The following CUBN variants were observed in gnomAD, a reference collection of about 807,000 sequenced individuals.
CUBN encodes 460 kDa receptor.
In CUBN, 282 loss-of-function variants were observed where a neutral mutation model predicts 405.3. That is an observed-to-expected ratio of 0.70 (90% confidence interval 0.63 to 0.77). The LOEUF (loss-of-function observed/expected upper bound fraction) is 0.77. Ranked by LOEUF, CUBN falls within the 30% of genes least tolerant of loss-of-function variation. CUBN has a pLI of 0.00. For missense variants in CUBN, 4,514 were observed against 4,475.2 expected (o/e 1.01, Z -0.25); for synonymous variants, 1,684 against 1,617.0 (o/e 1.04, Z -0.99).
At chr10:17,055,790 G>C (rs1835380302) in intron 22 of CUBN, among the ~76,000 whole-genome samples, 1 of 152,132 alleles carries the variant, frequency 6.6e-6, no homozygotes, top group South Asian at 2.1e-4. Flanking sequence ...AATAAATGGA[G>C]AGGTAAAATA....
At chr10:16,905,550 T>C (rs1341895795) in intron 50 of CUBN, among the ~76,000 whole-genome samples, 1 of 152,246 alleles carries the variant, frequency 6.6e-6, no homozygotes, top group African/African-American at 2.4e-5. Context: ...TGCCAACACA[T>C]GCTGAGCATG....
At chr10:16,903,157 A>AAT (rs759255593) in intron 51 of CUBN, among the ~76,000 whole-genome samples, 22 of 152,346 alleles carry the variant, frequency 1.4e-4, no homozygotes, top group Admixed American at 2.6e-4. Context: ...TCTTTCATAT[A>AAT]ATTCATCACA....
chr10:17,005,360 G>A (rs970974251), intron 28 of CUBN, among the ~76,000 whole-genome samples: 1 of 152,082 alleles, frequency 6.6e-6, no homozygotes, highest in Non-Finnish European at 1.5e-5. Context: ...GTTATGTACT[G>A]TATATCTTTA....
At chr10:16,958,781 A>G (rs1228097611) in intron 31 of CUBN, among the ~76,000 whole-genome samples, 1 of 152,190 alleles carries the variant, frequency 6.6e-6, no homozygotes. Context: ...TAGATTTACC[A>G]TGTTACTTCT....
intron 28 of CUBN, among the ~76,000 whole-genome samples, chr10:16,996,413 G>A (rs1403178036): frequency 6.6e-6 from 1 of 152,188 alleles, no homozygotes; most frequent in African/African-American, 2.4e-5. Flanking sequence ...GAAGCACATT[G>A]ATCTGCTGAA....
At chr10:16,978,259 G>C (rs1203940056) in intron 31 of CUBN, among the ~76,000 whole-genome samples, 1 of 152,196 alleles carries the variant, frequency 6.6e-6, no homozygotes, top group Non-Finnish European at 1.5e-5. Context: ...TTGTGGATCA[G>C]TAAAGGCCCT....
chr10:17,054,875 AAAC>A (rs1835355548), intron 22 of CUBN, among the ~76,000 whole-genome samples: 1 of 152,142 alleles, frequency 6.6e-6, no homozygotes. Context: ...GAATTGTATC[AAAC>A]AATTAAGAAA....
At position 16,825,061 on chromosome 10, in the gene CUBN, C is replaced by T. The variant is rs767534381; in HGVS notation, c.10786G>A (p.Val3596Met). 2.2e-5 allele frequency: 36 copies of T among 1,612,610 alleles called. No homozygotes were observed. Among genetic ancestry groups the T allele is most frequent in the East Asian group, 8.9e-5 (4 of 44,862 alleles). Residue 3596 changes from valine to methionine, a missense_variant, in exon 67 of 67, where the codon GTG (valine) becomes ATG (methionine). Val to Met is a conservative substitution (Grantham distance 21). Coordinates refer to ENST00000377833, the MANE Select transcript of CUBN (RefSeq NM_001081.4). ...CGGDTSIAPFVASSNQVFIKF... is the reference protein window; with the variant it reads ...CGGDTSIAPFMASSNQVFIKF... ...ATGAAGACCTGATTTGAGGAAGCCA[C>T]GAAGGGAGCTATGCTGGTGTCCTAA...
intron 32 of CUBN, 30 bp downstream of exon 32, chr10:16,954,359 T>A: frequency 6.2e-7 from 1 of 1,613,696 alleles, no homozygotes; most frequent in Non-Finnish European, 8.5e-7. Context: ...AGATTTCTCT[T>A]GTGCCTGGGA....
At chr10:16,954,618 T>A in intron 31 of CUBN, 70 bp from the exon 32 acceptor site, 1 of 1,522,734 alleles carries the variant, frequency 6.6e-7, no homozygotes, top group African/African-American at 1.4e-5. Flanking sequence ...CCACGAACTG[T>A]CTGCACGCCG....
chr10:17,110,865 T>C (rs1564519432), intron 9 of CUBN, 54 bp downstream of exon 9: 3 of 1,612,898 alleles, frequency 1.9e-6, no homozygotes, highest in Non-Finnish European at 8.5e-7. Context: ...CGTATTCCTA[T>C]GTCTGTGTTC....
At chr10:16,825,675 T>TGTGTGTGTGTG (rs1838754376) in intron 66 of CUBN, among the ~76,000 whole-genome samples, 1 of 75,818 alleles carries the variant, frequency 1.3e-5, no homozygotes, top group African/African-American at 5.0e-5. Context: ...GTGTGTGTGT[T>TGTGTGTGTGTG]GGGGGGATAC....
intron 14 of CUBN, among the ~76,000 whole-genome samples, chr10:17,090,826 T>TAAAA (rs59564374): frequency 2.1e-5 from 2 of 94,006 alleles, no homozygotes. Flanking sequence ...AAATGTAAAG[T>TAAAA]AAAAAAAAAA....
chr10:16,974,323 C>T (rs1224028895), intron 31 of CUBN, among the ~76,000 whole-genome samples: 1 of 152,308 alleles, frequency 6.6e-6, no homozygotes, highest in East Asian at 1.9e-4. Flanking sequence ...CTCACACTAT[C>T]GGTGTGGCTC....
chr10:16,904,697 G>A (rs1415347672), intron 50 of CUBN, among the ~76,000 whole-genome samples: 1 of 152,148 alleles, frequency 6.6e-6, no homozygotes, highest in Non-Finnish European at 1.5e-5. Context: ...TATTCTGTCA[G>A]ATAAACATCA....
At chr10:17,038,358 C>T (rs1018023729) in intron 27 of CUBN, among the ~76,000 whole-genome samples, 43 of 152,158 alleles carry the variant, frequency 2.8e-4, no homozygotes, top group African/African-American at 9.9e-4. Flanking sequence ...CATGTTTGCA[C>T]GGGCAAATGG....
intron 28 of CUBN, among the ~76,000 whole-genome samples, chr10:17,014,256 C>T (rs555086195): frequency 1.6e-4 from 24 of 152,324 alleles, no homozygotes; most frequent in African/African-American, 5.8e-4. Flanking sequence ...ACCCCAAGAG[C>T]TATTCCTGCT....
intron 65 of CUBN, among the ~76,000 whole-genome samples, chr10:16,829,603 G>T (rs1300596453): frequency 6.6e-6 from 1 of 152,136 alleles, no homozygotes; most frequent in African/African-American, 2.4e-5. Flanking sequence ...TTCAAGTTTT[G>T]GTGTTAATTT....
At chr10:17,055,513 T>C (rs908531567) in intron 22 of CUBN, among the ~76,000 whole-genome samples, 3 of 152,106 alleles carry the variant, frequency 2.0e-5, no homozygotes, top group Admixed American at 2.0e-4. Flanking sequence ...ATCTATGTAG[T>C]ATATACTAAA....
Sources: gnomAD v4.1 joint callset for allele counts (sites outside exome capture counted in the v4.1 genomes callset) on GRCh38, gnomAD v4.1.1 for gene constraint, MANE v1.5 for transcripts, NCBI Gene and HGNC (gene_info 2026-07-23, HGNC 2026-07-21) for gene names.